SLC17A1: variants seen among roughly 807,000 people sequenced by gnomAD.
SLC17A1 encodes the protein sodium-dependent phosphate transport protein 1.
Under a neutral mutation model 53.5 loss-of-function variants are expected in SLC17A1, and 51 were observed. The observed-to-expected ratio is 0.95, with a 90% CI of 0.76 to 1.20. The LOEUF is 1.20. SLC17A1 is among the 50% of genes most tolerant of loss of function. The probability of loss-of-function intolerance (pLI) is 0.00; values close to 1 mark genes in which losing one functional copy is unlikely to be tolerated. For synonymous variants in SLC17A1, 179 were observed against 198.8 expected (o/e 0.90, Z 0.84); for missense variants, 538 against 568.2 (o/e 0.95, Z 0.54).
At chr6:25,733,712 A>G in the SLC17A1 span, among the ~76,000 whole-genome samples, 1 of 151,900 alleles carries the variant, frequency 6.6e-6, no homozygotes, top group African/African-American at 2.4e-5. Context: ...ACTTATAAAT[A>G]CTCGTATTTA....
chr6:25,766,599 TAAGAA>T, the SLC17A1 span, among the ~76,000 whole-genome samples: 1 of 152,166 alleles, frequency 6.6e-6, no homozygotes, highest in Non-Finnish European at 1.5e-5. Context: ...AACTCAACAG[TAAGAA>T]GTCTTGTTGA....
At chr6:25,752,096 G>A in the SLC17A1 span, among the ~76,000 whole-genome samples, 135 of 152,288 alleles carry the variant, frequency 8.9e-4, 1 homozygote, top group African/African-American at 2.5e-3. Context: ...CTGTATATTT[G>A]CTATAATACA....
At chr6:25,757,255 A>G in the SLC17A1 span, among the ~76,000 whole-genome samples, 3 of 152,160 alleles carry the variant, frequency 2.0e-5, no homozygotes, top group African/African-American at 7.2e-5. Context: ...GCACCAAAGG[A>G]TCAGGTCTAT....
chr6:25,769,247 GT>G, the SLC17A1 span: 1 of 1,472,208 alleles, frequency 6.8e-7, no homozygotes. Context: ...GACTTAAAGA[GT>G]TATAAAAGAG....
chr6:25,742,640 T>C, the SLC17A1 span, among the ~76,000 whole-genome samples: 2 of 151,410 alleles, frequency 1.3e-5, no homozygotes, highest in East Asian at 3.9e-4. Context: ...TGGTATAATA[T>C]GTATGGTGGG....
At chr6:25,778,906 C>T, downstream of SLC17A1, 2 of 948,880 alleles carry the variant, frequency 2.1e-6, no homozygotes. Context: ...CAGAAATGTA[C>T]TTGAGTATTC....
At chr6:25,744,104 T>C in the SLC17A1 span, among the ~76,000 whole-genome samples, 1 of 152,152 alleles carries the variant, frequency 6.6e-6, no homozygotes, top group Non-Finnish European at 1.5e-5. Flanking sequence ...TAATCTAATA[T>C]GACTAGAGAA....
chr6:25,752,900 CGA>C, the SLC17A1 span, among the ~76,000 whole-genome samples: 1 of 151,130 alleles, frequency 6.6e-6, no homozygotes, highest in Non-Finnish European at 1.5e-5. Context: ...TGCAGTGAGC[CGA>C]GATCACGCCA....
At chr6:25,792,366 G>A (rs144397238) in intron 12 of SLC17A1, among the ~76,000 whole-genome samples, 76 of 152,294 alleles carry the variant, frequency 5.0e-4, no homozygotes, top group African/African-American at 1.8e-3. Context: ...GGTGGCTCAC[G>A]CCTGTAATCC....
the SLC17A1 span, chr6:25,732,398 C>G: frequency 1.6e-4 from 42 of 266,444 alleles, no homozygotes; most frequent in Admixed American, 1.9e-3. Context: ...GCTGAGTACC[C>G]GTTTTAACGG....
the SLC17A1 span, chr6:25,776,827 C>T: frequency 1.2e-6 from 2 of 1,613,998 alleles, no homozygotes; most frequent in Middle Eastern, 1.7e-4. Context: ...CTCTTCCCAT[C>T]CGTGATCCTC....
At chr6:25,724,244 C>G in the SLC17A1 span, among the ~76,000 whole-genome samples, 1 of 152,102 alleles carries the variant, frequency 6.6e-6, no homozygotes, top group Non-Finnish European at 1.5e-5. Context: ...GCCAACATGG[C>G]GAAACCCTGT....
chr6:25,809,668 ATGT>A (rs140192709), intron 10 of SLC17A1, among the ~76,000 whole-genome samples: 3,404 of 152,210 alleles, frequency 0.022, 111 homozygotes, highest in African/African-American at 0.074. Flanking sequence ...GGAAGAATTA[ATGT>A]TGTTAAAATG....
intron 2 of SLC17A1, among the ~76,000 whole-genome samples, chr6:25,829,211 G>A (rs968330194): frequency 2.6e-5 from 4 of 152,044 alleles, no homozygotes; most frequent in Non-Finnish European, 5.9e-5. Flanking sequence ...CAAATACCAA[G>A]GTCCTAGCGA....
At chr6:25,789,012 T>G (rs947675036) in intron 12 of SLC17A1, among the ~76,000 whole-genome samples, 2 of 152,196 alleles carry the variant, frequency 1.3e-5, no homozygotes, top group East Asian at 3.9e-4. Flanking sequence ...GATATGTATG[T>G]ATACACATAT....
intron 12 of SLC17A1, among the ~76,000 whole-genome samples, chr6:25,787,430 A>G (rs1375087354): frequency 6.6e-6 from 1 of 152,192 alleles, no homozygotes; most frequent in Non-Finnish European, 1.5e-5. Context: ...AACGCAGACC[A>G]ACCATGTTGC....
At chr6:25,755,245 T>C in the SLC17A1 span, among the ~76,000 whole-genome samples, 11 of 152,302 alleles carry the variant, frequency 7.2e-5, no homozygotes, top group South Asian at 1.9e-3. Context: ...GCCTAAAAAA[T>C]TAATGAAAAC....
the SLC17A1 span, among the ~76,000 whole-genome samples, chr6:25,732,257 G>C: frequency 1.3e-5 from 2 of 152,290 alleles, no homozygotes; most frequent in South Asian, 4.1e-4. Context: ...TACGTCATTT[G>C]CATCCAACAT....
At chr6:25,757,539 C>T in the SLC17A1 span, among the ~76,000 whole-genome samples, 1 of 152,008 alleles carries the variant, frequency 6.6e-6, no homozygotes, top group South Asian at 2.1e-4. Flanking sequence ...AAAAGTATAC[C>T]TTCTTTCCCC....
Sources: allele counts gnomAD v4.1 joint callset (sites outside exome capture counted in the v4.1 genomes callset), GRCh38; gene constraint gnomAD v4.1.1; transcripts MANE v1.5; gene names NCBI Gene and HGNC (gene_info 2026-07-23, HGNC 2026-07-21).